The following TCF4 variants were observed in gnomAD, a reference collection of about 807,000 sequenced individuals.
TCF4 encodes the protein SL3-3 enhancer factor 2.
In TCF4, 3 loss-of-function variants were observed where a neutral mutation model predicts 82.1. The ratio of observed to expected loss-of-function variants is 0.04; its 90% confidence interval spans 0.02 to 0.09. TCF4 has a LOEUF of 0.09. Ranked by LOEUF, TCF4 falls within the 10% of genes least tolerant of loss-of-function variation. The pLI is 1.00. For missense variants in TCF4, 518 were observed against 852.7 expected, an observed-to-expected ratio of 0.61 and a Z score of 4.89; for synonymous variants, 276 against 309.6, an observed-to-expected ratio of 0.89 and a Z score of 1.14.
At chr18:55,236,363 A>G (rs1404783768) in intron 15 of TCF4, among the ~76,000 whole-genome samples, 2 of 152,162 alleles carry the variant, frequency 1.3e-5, no homozygotes, top group Non-Finnish European at 2.9e-5. Context: ...AAAGAAGCCC[A>G]TTCCATTTTT....
intron 3 of TCF4, among the ~76,000 whole-genome samples, chr18:55,506,778 AC>A (rs925046887): frequency 1.4e-4 from 21 of 152,354 alleles, no homozygotes; most frequent in African/African-American, 4.8e-4. Flanking sequence ...TAAATCAGGC[AC>A]AGTGAGAGAC....
chr18:55,543,254 T>C (rs548145154), intron 3 of TCF4, among the ~76,000 whole-genome samples: 1 of 152,190 alleles, frequency 6.6e-6, no homozygotes, highest in Non-Finnish European at 1.5e-5. Flanking sequence ...GTTATTCAAA[T>C]TCTCTGAGCC....
At chr18:55,279,923 C>G (rs141019719) in intron 8 of TCF4, among the ~76,000 whole-genome samples, 1 of 152,306 alleles carries the variant, frequency 6.6e-6, no homozygotes, top group East Asian at 1.9e-4. Context: ...TGTAAATACA[C>G]TGTATAATGC....
At chr18:55,456,694 GA>G (rs990971598) in intron 5 of TCF4, among the ~76,000 whole-genome samples, 1 of 151,704 alleles carries the variant, frequency 6.6e-6, no homozygotes, top group Admixed American at 6.6e-5. Flanking sequence ...CTTGACAAAG[GA>G]AAAAAAAGTT....
chr18:55,587,016 T>A (rs369124824), intron 2 of TCF4, 29 bp downstream of exon 2: 1 of 1,598,416 alleles, frequency 6.3e-7, no homozygotes, highest in African/African-American at 1.3e-5. Context: ...TTTTCACAGC[T>A]GTTGTTAGTT....
At chr18:55,469,710 T>C (rs904917623) in intron 3 of TCF4, 4 of 151,768 alleles carry the variant, frequency 2.6e-5, no homozygotes, top group Non-Finnish European at 5.9e-5. Context: ...GCACTGGGAG[T>C]TGGGATAAAG....
chr18:55,518,721 G>A (rs184757672), intron 3 of TCF4, among the ~76,000 whole-genome samples: 115 of 152,262 alleles, frequency 7.6e-4, no homozygotes, highest in Non-Finnish European at 1.1e-3. Flanking sequence ...CAGTTTATCA[G>A]TAACATAACA....
At chr18:55,278,867 A>G (rs1306442252) in intron 9 of TCF4, among the ~76,000 whole-genome samples, 3 of 152,130 alleles carry the variant, frequency 2.0e-5, no homozygotes, top group Admixed American at 6.5e-5. Context: ...GCACTCGGCC[A>G]CATCTTGGTC....
At chr18:55,236,619 T>G (rs2049520903) in intron 15 of TCF4, among the ~76,000 whole-genome samples, 1 of 152,204 alleles carries the variant, frequency 6.6e-6, no homozygotes, top group Non-Finnish European at 1.5e-5. Context: ...GCATGATAGC[T>G]ATTTTCCATT....
chr18:55,613,931 ATTAT>A (rs2097709496), intron 2 of TCF4, among the ~76,000 whole-genome samples: 2 of 152,118 alleles, frequency 1.3e-5, no homozygotes, highest in Admixed American at 6.5e-5. Context: ...GTTTTAGGCT[ATTAT>A]TTATTTACTT....
intron 2 of TCF4, 115 bp downstream of exon 2, chr18:55,586,930 A>G: frequency 2.3e-6 from 2 of 878,776 alleles, no homozygotes; most frequent in Non-Finnish European, 3.7e-6. Flanking sequence ...CCAAGGATTC[A>G]GCCAATTAAA....
intron 8 of TCF4, among the ~76,000 whole-genome samples, chr18:55,334,270 A>C (rs1475692479): frequency 1.3e-5 from 2 of 152,174 alleles, no homozygotes; most frequent in African/African-American, 2.4e-5. Context: ...AAACATCCTA[A>C]GCCATACTCT....
At chr18:55,238,976 T>C (rs1442192669) in intron 15 of TCF4, among the ~76,000 whole-genome samples, 4 of 152,150 alleles carry the variant, frequency 2.6e-5, no homozygotes, top group Admixed American at 6.5e-5. Flanking sequence ...GGGGATAAGA[T>C]CATGTAGTCC....
intron 2 of TCF4, among the ~76,000 whole-genome samples, chr18:55,621,961 C>A (rs1485908926): frequency 3.3e-5 from 4 of 121,016 alleles, no homozygotes; most frequent in South Asian, 4.8e-4. Flanking sequence ...ATTATATATA[C>A]ACTATATATT....
At chr18:55,374,643 G>A (rs1422367517) in intron 6 of TCF4, among the ~76,000 whole-genome samples, 1 of 151,982 alleles carries the variant, frequency 6.6e-6, no homozygotes, top group Non-Finnish European at 1.5e-5. Context: ...GCTCACATTT[G>A]TAATCCCAGC....
intron 3 of TCF4, among the ~76,000 whole-genome samples, chr18:55,523,811 T>C (rs1276765042): frequency 6.6e-6 from 1 of 152,138 alleles, no homozygotes; most frequent in Non-Finnish European, 1.5e-5. Context: ...TTTACAATTT[T>C]TTTAAAAAAA....
At chr18:55,494,157 G>GACACACACACACACACACACACAC (rs3138626) in intron 3 of TCF4, among the ~76,000 whole-genome samples, 60 of 147,736 alleles carry the variant, frequency 4.1e-4, no homozygotes, top group Middle Eastern at 3.4e-3. Flanking sequence ...AAATATTATG[G>GACACACACACACACACACACACAC]ACACACACAC....
chr18:55,318,117 C>T (rs538438921), intron 8 of TCF4, among the ~76,000 whole-genome samples: 72 of 152,208 alleles, frequency 4.7e-4, no homozygotes, highest in African/African-American at 1.6e-3. Flanking sequence ...ATTACCATTA[C>T]GAGGACATTT....
intron 9 of TCF4, among the ~76,000 whole-genome samples, chr18:55,276,404 C>T (rs2061507314): frequency 6.6e-6 from 1 of 152,002 alleles, no homozygotes; most frequent in Admixed American, 6.6e-5. Context: ...CCCTAGGTAG[C>T]TATTATATTA....
Sources: allele counts gnomAD v4.1 joint callset (sites outside exome capture counted in the v4.1 genomes callset), GRCh38; gene constraint gnomAD v4.1.1; transcripts MANE v1.5; gene names NCBI Gene and HGNC (gene_info 2026-07-23, HGNC 2026-07-21).